TCTN3: variants seen among roughly 807,000 people sequenced by gnomAD.
TCTN3 encodes the protein tectonic-3.
TCTN3 carries 57 observed loss-of-function variants against 71.3 expected under a neutral mutation model. The ratio of observed to expected loss-of-function variants is 0.80; its 90% CI spans 0.65 to 1.00. The LOEUF is 1.00. Among genes scored for constraint, TCTN3 ranks in the 50% least tolerant of loss-of-function variants. The probability of loss-of-function intolerance (pLI) is 0.00; values close to 1 mark genes in which losing one functional copy is unlikely to be tolerated. For missense variants in TCTN3, 696 were observed against 719.9 expected, an observed-to-expected ratio of 0.97 and a Z score of 0.38; for synonymous variants, 258 against 267.8, an observed-to-expected ratio of 0.96 and a Z score of 0.36.
At chr10:95,691,443 G>A (rs747451813) in intron 3 of TCTN3, among the ~76,000 whole-genome samples, 5 of 152,078 alleles carry the variant, frequency 3.3e-5, no homozygotes, top group East Asian at 1.9e-4. Context: ...GTGAGCCACC[G>A]CGTCAGGCCA....
chr10:95,693,002 G>A lies in TCTN3; in HGVS notation c.417C>T (p.Ile139=). The A allele has an allele frequency of 6.2e-7, 1 of 1,613,912 alleles. No individual in the cohort carries two copies. Residue 139 remains isoleucine (I), a synonymous_variant, in exon 3 of 14, where the codon ATC becomes ATT. Coordinates refer to ENST00000371217, the MANE Select transcript of TCTN3 (RefSeq NM_015631.6). ...AAGGAAACGGGGAATTACTCCTGAA[G>A]ATAACAGAGTTGTCTACACAAACCC... ...SSWVCVDNSV[I]FRSNSPFPSR...
Position 95,663,974 on chromosome 10 carries a change from G to A in TCTN3, c.*93C>T. On this transcript the variant is annotated 3_prime_UTR_variant, in exon 14 of 14. Transcript: ENST00000371217. ...TCCTCTATTATCCTAAATGCTCTCT[G>A]GTCATGAGCAGGTGAGGTTCTATTT... 1 of 968,916 alleles carries A rather than the reference G, an allele frequency of 1.0e-6. No individual in the cohort carries two copies. The highest frequency in any genetic ancestry group is 1.4e-5 in the South Asian group (1 of 69,750). 60.0% of individuals were successfully genotyped at this position (968,916 alleles called of 1,614,324 possible).
At chr10:95,675,806 T>C (rs2097936424) in intron 13 of TCTN3, among the ~76,000 whole-genome samples, 2 of 152,262 alleles carry the variant, frequency 1.3e-5, no homozygotes, top group African/African-American at 4.8e-5. Context: ...AAATCTAATG[T>C]TGAATTACTC....
chr10:95,680,418 T>C, intron 13 of TCTN3, 54 bp downstream of exon 13: 6 of 1,537,466 alleles, frequency 3.9e-6, no homozygotes, highest in Non-Finnish European at 5.2e-6. Flanking sequence ...AAATGACTGA[T>C]AAGACAATCT....
chr10:95,686,793 A>G (rs2097948702), intron 6 of TCTN3, among the ~76,000 whole-genome samples: 1 of 152,160 alleles, frequency 6.6e-6, no homozygotes, highest in Non-Finnish European at 1.5e-5. Flanking sequence ...GTTTGGTGAG[A>G]TGGGTGTTTT....
Position 95,664,165 on chromosome 10 carries a change from C to G in TCTN3, c.1726G>C (p.Ala576Pro), listed in dbSNP as rs1461084854. Residue 576 changes from alanine (A) to proline (P), a missense_variant, in exon 14 of 14, where the codon GCA becomes CCA. Transcript: ENST00000371217. ...WPFDFFPFKV[A>P]FSRGVFSQKC... ...TGAGAGAATACTCCTCTGCTGAATG[C>G]CACTTTGAAGGGAAAGAAGTCGAAT... 1 of 1,614,054 alleles carries G rather than the reference C, an allele frequency of 6.2e-7. No homozygotes were observed. Among genetic ancestry groups the G allele is most frequent in the Non-Finnish European group, 8.5e-7 (1 of 1,180,052 alleles).
intron 13 of TCTN3, among the ~76,000 whole-genome samples, chr10:95,674,275 A>T (rs1184174237): frequency 6.6e-6 from 1 of 152,050 alleles, no homozygotes; most frequent in African/African-American, 2.4e-5. Context: ...TTCCTAAGTA[A>T]TTTTTCCATG....
At chr10:95,690,877 C>T (rs963649802) in intron 3 of TCTN3, among the ~76,000 whole-genome samples, 3 of 152,050 alleles carry the variant, frequency 2.0e-5, no homozygotes, top group Admixed American at 6.6e-5. Flanking sequence ...TAATCAGAAC[C>T]AAAGGGAAAT....
chr10:95,670,235 A>G (rs1251282754), intron 13 of TCTN3, among the ~76,000 whole-genome samples: 1 of 152,208 alleles, frequency 6.6e-6, no homozygotes, highest in Non-Finnish European at 1.5e-5. Context: ...AATTGCCTCC[A>G]TAATTGTATA....
chr10:95,680,272 G>A (rs560801679), intron 13 of TCTN3, among the ~76,000 whole-genome samples, 200 bp downstream of exon 13: 6 of 147,846 alleles, frequency 4.1e-5, no homozygotes, highest in Admixed American at 6.7e-5. Context: ...GGATATAAGC[G>A]GTATTCATGA....
chr10:95,677,876 T>C (rs1207082885), intron 13 of TCTN3, among the ~76,000 whole-genome samples: 4 of 152,198 alleles, frequency 2.6e-5, no homozygotes, highest in Admixed American at 6.5e-5. Context: ...AGATTTTCAA[T>C]TGAAGTCAGA....
At chr10:95,680,778 CTTTTT>C (rs906355850) in intron 12 of TCTN3, among the ~76,000 whole-genome samples, 169 bp from the exon 13 acceptor site, 2 of 134,296 alleles carry the variant, frequency 1.5e-5, no homozygotes. Context: ...TATTCCTGAT[CTTTTT>C]TTTTTTTTTT....
rs762299164 is a variant in TCTN3, at chr10:95,684,530, G to C, written c.1064C>G (p.Ser355Cys). The C allele has an allele frequency of 6.2e-7, 1 of 1,614,042 alleles. No individual in the cohort carries two copies. The highest frequency in any genetic ancestry group is 1.3e-5 in the African/African-American group (1 of 75,042). ...QTNLTVEPGA[S>C]LQQHFILRFR... ...GCGAAGGATGAAGTGTTGCTGTAAG[G>C]AAGCGCCTGGCTCAACAGTCAGGTT... is the stretch of plus-strand genomic sequence containing the variant. Residue 355 changes from serine to cysteine, a missense_variant, in exon 9 of 14, where the codon TCC becomes TGC. Physicochemically the swap from Ser to Cys is moderately radical, Grantham distance 112. Transcript: ENST00000371217.
At chr10:95,684,731 G>T in intron 8 of TCTN3, 107 bp from the exon 9 acceptor site, 1 of 1,205,592 alleles carries the variant, frequency 8.3e-7, no homozygotes, top group South Asian at 1.6e-5. Flanking sequence ...AAATGAGGCA[G>T]ACTGAAACAG....
chr10:95,676,370 A>G (rs1281324769), intron 13 of TCTN3, among the ~76,000 whole-genome samples: 1 of 151,494 alleles, frequency 6.6e-6, no homozygotes. Context: ...TTTCCAGGTA[A>G]TTTTTGTATT....
intron 3 of TCTN3, among the ~76,000 whole-genome samples, chr10:95,692,429 C>T (rs1424419586): frequency 6.6e-6 from 1 of 152,054 alleles, no homozygotes; most frequent in Non-Finnish European, 1.5e-5. Context: ...TCACTTTAAT[C>T]CGGGAGGTGG....
At chr10:95,678,004 G>A (rs555886704) in intron 13 of TCTN3, among the ~76,000 whole-genome samples, 3 of 152,308 alleles carry the variant, frequency 2.0e-5, no homozygotes, top group Admixed American at 2.0e-4. Flanking sequence ...TAGACTGGCA[G>A]TTTGCCACTC....
At chr10:95,687,859 A>G (rs1309842598) in intron 3 of TCTN3, 140 bp from the exon 4 acceptor site, 2 of 949,714 alleles carry the variant, frequency 2.1e-6, no homozygotes, top group South Asian at 1.8e-5. Flanking sequence ...TTACAAATTT[A>G]TATACTTGTA....
chr10:95,693,360 T>A lies in TCTN3; in HGVS notation c.373A>T (p.Ser125Cys), dbSNP rs2139767029. 6.4e-7 allele frequency: 1 copy of A among 1,551,840 alleles called. No homozygotes were observed. The highest frequency in any genetic ancestry group is 8.7e-7 in the Non-Finnish European group (1 of 1,147,004). Residue 125 changes from serine to cysteine, a missense_variant, in exon 2 of 14, where the codon AGC (serine) becomes TGC (cysteine). By Grantham distance (112) the Ser-to-Cys change is moderately radical. Coordinates refer to ENST00000371217, the MANE Select transcript of TCTN3 (RefSeq NM_015631.6). The part of the protein sequence containing the change: ...RTVFSFCLPG[S>C]VRSSSWVCVD... ...CTGAGCAACGAAGCTCACCTTACGC[T>A]GCCTGGAAGGCAGAAGGAGAAAACT...
Sources: allele counts gnomAD v4.1 joint callset (sites outside exome capture counted in the v4.1 genomes callset), GRCh38; gene constraint gnomAD v4.1.1; transcripts MANE v1.5; gene names NCBI Gene and HGNC (gene_info 2026-07-23, HGNC 2026-07-21).